The following CRISP2 variants were observed in gnomAD, a reference collection of about 807,000 sequenced individuals.
CRISP2 encodes the protein cysteine rich secretory protein 2.
Under a neutral mutation model 31.7 loss-of-function variants are expected in CRISP2, and 29 were observed. The observed-to-expected ratio is 0.92, with a 90% confidence interval of 0.68 to 1.25. The LOEUF (loss-of-function observed/expected upper bound fraction) is 1.25, where lower values mean the gene tolerates loss of function less well. CRISP2 is among the 50% of genes most tolerant of loss of function. CRISP2 has a pLI of 0.00. For synonymous variants in CRISP2, 111 were observed against 101.4 expected (o/e 1.09, Z -0.57); for missense variants, 318 against 286.5 (o/e 1.11, Z -0.79).
chr6:49,706,939 A>C (rs1344939323), intron 4 of CRISP2, among the ~76,000 whole-genome samples: 1 of 152,212 alleles, frequency 6.6e-6, no homozygotes, highest in African/African-American at 2.4e-5. Context: ...ATAAAATATC[A>C]GTAAAGGCAG....
downstream of CRISP2, among the ~76,000 whole-genome samples, chr6:49,687,797 C>T (rs1314381864): frequency 6.6e-6 from 1 of 152,124 alleles, no homozygotes; most frequent in African/African-American, 2.4e-5. Context: ...TACTCAGGGG[C>T]GAGGATCAGA....
At chr6:49,701,693 GTATACATTATGTATACATATATAATGTA>G (rs1284920117) in intron 4 of CRISP2, among the ~76,000 whole-genome samples, 1 of 98,526 alleles carries the variant, frequency 1.0e-5, no homozygotes, top group East Asian at 3.0e-4. Flanking sequence ...CATTATATAT[GTATACATTATGTATACATATATAATGTA>G]TATATAATGT....
chr6:49,698,739 A>G (rs1468081277), intron 6 of CRISP2, among the ~76,000 whole-genome samples: 1 of 151,980 alleles, frequency 6.6e-6, no homozygotes, highest in Non-Finnish European at 1.5e-5. Flanking sequence ...GTAGGTTAAC[A>G]CTCTGCTCCT....
intron 8 of CRISP2, chr6:49,697,644 T>C (rs1196165052): frequency 7.7e-7 from 1 of 1,299,282 alleles, no homozygotes; most frequent in Non-Finnish European, 1.0e-6. Context: ...CATTATTCTG[T>C]TAATGAGGAA....
chr6:49,703,047 T>C (rs1159971303), intron 4 of CRISP2, among the ~76,000 whole-genome samples: 1 of 152,208 alleles, frequency 6.6e-6, no homozygotes, highest in Non-Finnish European at 1.5e-5. Context: ...TCTTGCCAAC[T>C]ATCCCACCAC....
In CRISP2 at chr6:49,695,846, TTTGTCACA is replaced by T. The variant is rs1764645574; in HGVS notation, c.586_593del (p.Cys196ArgfsTer6). The T allele has an allele frequency of 6.2e-7, 1 of 1,610,696 alleles. No individual in the cohort carries two copies. The highest frequency in any genetic ancestry group is 8.5e-7 in the Non-Finnish European group (1 of 1,177,510). On this transcript the variant is annotated frameshift_variant, in exon 9 of 10. Coordinates refer to ENST00000339139, the MANE Select transcript of CRISP2 (RefSeq NM_003296.4). LOFTEE classifies it low-confidence loss of function (END_TRUNC). ...TCACTTCAAACTTACTGCATAGTCCTTTGTCACAGTCATCAGGGCAACCGGCACAAGGT... is the reference window on the plus strand; with the variant it reads ...TCACTTCAAACTTACTGCATAGTCCTGTCATCAGGGCAACCGGCACAAGGT...
chr6:49,698,510 A>G lies in CRISP2; in HGVS notation c.272-3T>C. On this transcript the variant is annotated splice_region_variant and splice_polypyrimidine_tract_variant and intron_variant, in intron 6 of 9. Coordinates refer to ENST00000339139, the MANE Select transcript of CRISP2 (RefSeq NM_003296.4). ...GAGATTCTCACCACATCTTGTACCT[A>G]AGGGGCAGATCATTCATGAGCAAGG... 6.2e-7 allele frequency: 1 copy of G among 1,603,002 alleles called. No homozygotes were observed. Among genetic ancestry groups the G allele is most frequent in the Non-Finnish European group, 8.5e-7 (1 of 1,176,976 alleles).
Position 49,692,779 on chromosome 6 carries a change from A to C in CRISP2, c.726T>G (p.Ile242Met). ...ACAATGCTCACTAGGTAAATCAGTA[A>C]ATTTTGTTCTCACATAGGCAAGTAG... Reference protein sequence around the residue: ...CKATCLCENKIY With the variant: ...CKATCLCENKMY The change falls in exon 10 of 10, where the codon ATT (isoleucine) becomes ATG (methionine). Residue 242 changes from isoleucine to methionine, a missense_variant. By Grantham distance (10) the Ile-to-Met change is conservative. Coordinates refer to ENST00000339139, the MANE Select transcript of CRISP2 (RefSeq NM_003296.4). 1 of 1,612,900 alleles carries C rather than the reference A, an allele frequency of 6.2e-7. No homozygotes were observed. The highest frequency in any genetic ancestry group is 1.3e-5 in the African/African-American group (1 of 75,016).
downstream of CRISP2, among the ~76,000 whole-genome samples, chr6:49,692,018 CTTGT>C (rs200807765): frequency 6.4e-3 from 968 of 152,102 alleles, 12 homozygotes; most frequent in African/African-American, 0.022. Flanking sequence ...GATTATTCCA[CTTGT>C]TTGTTTTCTT....
intron 8 of CRISP2, among the ~76,000 whole-genome samples, chr6:49,697,219 T>C (rs572013212): frequency 9.2e-5 from 14 of 152,292 alleles, no homozygotes; most frequent in Non-Finnish European, 1.8e-4. Context: ...CTAAACATAT[T>C]GTTTAATGAA....
chr6:49,692,690 A>T lies in CRISP2; in HGVS notation c.*83T>A. The T allele has an allele frequency of 7.4e-7, 1 of 1,343,332 alleles. No homozygotes were observed. Among genetic ancestry groups the T allele is most frequent in the Non-Finnish European group, 1.0e-6 (1 of 985,492 alleles). The allele number at this position is 1,343,332 out of a possible 1,614,324, so 83.2% of individuals were successfully genotyped here. ...CTTTGAAATCAAATTTGTCACTAAC[A>T]TACATACAATTTCCACTGGTATGTC... On this transcript the variant is annotated 3_prime_UTR_variant, in exon 10 of 10. Transcript: ENST00000339139.
At chr6:49,707,468 A>T (rs189962935) in intron 4 of CRISP2, among the ~76,000 whole-genome samples, 235 of 152,282 alleles carry the variant, frequency 1.5e-3, no homozygotes, top group Non-Finnish European at 3.0e-3. Context: ...GGTGCCAAAG[A>T]CAAAATGACA....
At chr6:49,683,165 A>C in the CRISP2 span, among the ~76,000 whole-genome samples, 4 of 123,430 alleles carry the variant, frequency 3.2e-5, no homozygotes, top group Non-Finnish European at 4.7e-5. Flanking sequence ...TCTCAAAATA[A>C]ATAAATAAAT....
chr6:49,686,566 T>A, the CRISP2 span, among the ~76,000 whole-genome samples: 1,155 of 152,030 alleles, frequency 7.6e-3, 9 homozygotes, highest in African/African-American at 0.026. Context: ...GGTGCTGGAG[T>A]GGATGTGGAG....
intron 9 of CRISP2, among the ~76,000 whole-genome samples, chr6:49,694,150 T>C (rs1764350877): frequency 6.6e-6 from 1 of 152,176 alleles, no homozygotes; most frequent in Non-Finnish European, 1.5e-5. Flanking sequence ...TATTAGATGA[T>C]GTTCTAAACC....
downstream of CRISP2, among the ~76,000 whole-genome samples, chr6:49,691,487 A>C (rs1764052122): frequency 6.6e-6 from 1 of 152,014 alleles, no homozygotes; most frequent in Non-Finnish European, 1.5e-5. Flanking sequence ...AATTTGTTTC[A>C]AGTCTGTGTC....
chr6:49,687,553 T>A (rs1002433095), downstream of CRISP2, among the ~76,000 whole-genome samples: 1 of 152,166 alleles, frequency 6.6e-6, no homozygotes, highest in East Asian at 1.9e-4. Context: ...AAAACTCTTG[T>A]CATGCGAACA....
intron 2 of CRISP2, among the ~76,000 whole-genome samples, chr6:49,711,850 G>A (rs1768068365): frequency 6.6e-6 from 1 of 152,126 alleles, no homozygotes; most frequent in Non-Finnish European, 1.5e-5. Flanking sequence ...TTTTTGCTTT[G>A]AAGACTGGAA....
At chr6:49,679,916 G>C in the CRISP2 span, among the ~76,000 whole-genome samples, 1,687 of 152,220 alleles carry the variant, frequency 0.011, 17 homozygotes, top group Non-Finnish European at 0.019. Flanking sequence ...ATGTTGGTCA[G>C]GTTGGTCTCG....
Sources: gnomAD v4.1 joint callset for allele counts (sites outside exome capture counted in the v4.1 genomes callset) on GRCh38, gnomAD v4.1.1 for gene constraint, MANE v1.5 for transcripts, NCBI Gene and HGNC (gene_info 2026-07-23, HGNC 2026-07-21) for gene names.